Variants in ACSM3 observed in about 807,000 individuals in gnomAD.
ACSM3 encodes the protein acyl-coenzyme A synthetase ACSM3, mitochondrial.
In ACSM3, 61 loss-of-function variants were observed where a neutral mutation model predicts 74.1. That is an observed-to-expected ratio of 0.82 (90% CI 0.67 to 1.02). The LOEUF (loss-of-function observed/expected upper bound fraction) is 1.02, where lower values mean the gene tolerates loss of function less well. Among genes scored for constraint, ACSM3 ranks in the 50% least tolerant of loss-of-function variants. The pLI is 0.00. For missense variants in ACSM3, 660 were observed against 697.0 expected (o/e 0.95, Z 0.60); for synonymous variants, 213 against 241.5 (o/e 0.88, Z 1.09).
chr16:20,736,604 T>C (rs2079871586), intron 1 of ACSM3: 1 of 370,334 alleles, frequency 2.7e-6, no homozygotes, highest in Non-Finnish European at 4.9e-6. Context: ...CAGCTGGCAC[T>C]GCAGAAGAGG....
chr16:20,690,874 C>T, intron 1 of ACSM3: 1 of 915,902 alleles, frequency 1.1e-6, no homozygotes, highest in Non-Finnish European at 1.6e-6. Flanking sequence ...TAAGCTTCTT[C>T]CACAACACTG....
At chr16:20,749,913 TCAGAGC>T (rs1459705575) in exon 2 of ACSM3, 1 of 152,322 alleles carries the variant, frequency 6.6e-6, no homozygotes, top group Non-Finnish European at 1.5e-5. Flanking sequence ...ATTCCAGGTG[TCAGAGC>T]CAGAGGAGAA....
chr16:20,784,959 C>A (rs1802055420), intron 7 of ACSM3, 25 bp from the exon 8 acceptor site: 2 of 1,596,276 alleles, frequency 1.3e-6, no homozygotes, highest in Non-Finnish European at 8.5e-7. Context: ...CCTCCTAAAT[C>A]TAACTTATCT....
At chr16:20,699,667 T>G (rs556878529) in intron 1 of ACSM3, among the ~76,000 whole-genome samples, 1 of 152,254 alleles carries the variant, frequency 6.6e-6, no homozygotes, top group South Asian at 2.1e-4. Context: ...GGAAAAGCCC[T>G]TGACACACTC....
chr16:20,796,181 A>G, intron 12 of ACSM3, 189 bp from the exon 13 acceptor site: 1 of 979,676 alleles, frequency 1.0e-6, no homozygotes, highest in Non-Finnish European at 1.4e-6. Context: ...CAGGGGTCCC[A>G]GAAGCTCTCC....
intron 1 of ACSM3, among the ~76,000 whole-genome samples, chr16:20,726,863 T>A (rs753564939): frequency 6.6e-6 from 1 of 152,338 alleles, no homozygotes; most frequent in Middle Eastern, 3.4e-3. Context: ...CAGAGTATCA[T>A]GAGTATCAAC....
chr16:20,693,103 G>A (rs544178069), intron 1 of ACSM3, among the ~76,000 whole-genome samples: 1 of 151,886 alleles, frequency 6.6e-6, no homozygotes, highest in East Asian at 1.9e-4. Flanking sequence ...CTGGGAGTCG[G>A]AGGTTGCAGT....
At chr16:20,729,185 C>A (rs2079817648) in intron 1 of ACSM3, 2 of 700,844 alleles carry the variant, frequency 2.9e-6, no homozygotes, top group East Asian at 2.7e-5. Flanking sequence ...ATACCCATTT[C>A]TGTTCTGACC....
At chr16:20,728,157 T>C (rs1184725816) in intron 1 of ACSM3, 2 of 300,456 alleles carry the variant, frequency 6.7e-6, no homozygotes, top group African/African-American at 2.2e-5. Context: ...GTTTGTCCTC[T>C]CAATGGGAAT....
intron 1 of ACSM3, among the ~76,000 whole-genome samples, chr16:20,701,885 T>C (rs1009092873): frequency 2.0e-5 from 3 of 152,262 alleles, no homozygotes; most frequent in African/African-American, 7.2e-5. Context: ...TTCTTTTTTA[T>C]GGCTGCATAG....
chr16:20,762,253 G>C (rs938628357), upstream of ACSM3, among the ~76,000 whole-genome samples: 1 of 151,860 alleles, frequency 6.6e-6, no homozygotes, highest in Admixed American at 6.6e-5. Context: ...ACATTATGCT[G>C]AATGGTATGT....
intron 1 of ACSM3, among the ~76,000 whole-genome samples, chr16:20,705,120 C>T (rs1230755593): frequency 6.6e-6 from 1 of 152,152 alleles, no homozygotes; most frequent in African/African-American, 2.4e-5. Flanking sequence ...CGCCTGTAAT[C>T]CCAGCACTTT....
chr16:20,713,751 C>T (rs548758879), intron 1 of ACSM3, among the ~76,000 whole-genome samples: 16 of 152,244 alleles, frequency 1.1e-4, no homozygotes, highest in African/African-American at 3.9e-4. Flanking sequence ...TCATGTGGAT[C>T]TCAAATTGAA....
At chr16:20,751,438 A>T (rs2079988449) in intron 2 of ACSM3, among the ~76,000 whole-genome samples, 1 of 152,228 alleles carries the variant, frequency 6.6e-6, no homozygotes, top group Admixed American at 6.5e-5. Context: ...AAAAATTCAT[A>T]ACTTCAAGCT....
intron 1 of ACSM3, among the ~76,000 whole-genome samples, chr16:20,694,576 G>C (rs1190322743): frequency 6.6e-6 from 1 of 152,010 alleles, no homozygotes; most frequent in African/African-American, 2.4e-5. Flanking sequence ...ATGACCTCAG[G>C]GTCTTCCTTA....
chr16:20,703,167 T>C (rs2152361450), intron 1 of ACSM3: 1 of 152,348 alleles, frequency 6.6e-6, no homozygotes, highest in Non-Finnish European at 1.5e-5. Context: ...GTTCCATTGG[T>C]CCATATATCT....
chr16:20,772,692 T>G (rs1486118855), intron 2 of ACSM3, among the ~76,000 whole-genome samples: 1 of 152,176 alleles, frequency 6.6e-6, no homozygotes, highest in Non-Finnish European at 1.5e-5. Flanking sequence ...TAGTTCTGGG[T>G]TATCTATTCT....
At chr16:20,789,286 G>A (rs1302962892) in intron 9 of ACSM3, among the ~76,000 whole-genome samples, 1 of 152,160 alleles carries the variant, frequency 6.6e-6, no homozygotes, top group Admixed American at 6.5e-5. Flanking sequence ...GTTTCCTCAT[G>A]TGTCAAATGG....
chr16:20,734,600 TTAAGGA>T (rs2079853600), intron 1 of ACSM3: 2 of 152,142 alleles, frequency 1.3e-5, no homozygotes, highest in South Asian at 4.1e-4. Flanking sequence ...TTTTTAAAAC[TTAAGGA>T]TAAGTCCATT....
Sources: gnomAD v4.1 joint callset for allele counts (sites outside exome capture counted in the v4.1 genomes callset) on GRCh38, gnomAD v4.1.1 for gene constraint, MANE v1.5 for transcripts, NCBI Gene and HGNC (gene_info 2026-07-23, HGNC 2026-07-21) for gene names.